Variants in KIF26B observed in about 807,000 individuals in gnomAD.
The protein encoded by KIF26B is kinesin family member 26B, also known as kinesin-like protein KIF26B.
A neutral mutation model predicts 151.2 loss-of-function variants in KIF26B; 63 were observed. That is an observed-to-expected ratio of 0.42 (90% CI 0.34 to 0.51). The LOEUF is 0.51. Ranked by LOEUF, KIF26B falls within the 20% of genes least tolerant of loss-of-function variation. KIF26B has a pLI of 0.07. For synonymous variants in KIF26B, 1,357 were observed against 1,262.1 expected (o/e 1.08, Z -1.59); for missense variants, 2,813 against 2,913.6 (o/e 0.97, Z 0.79).
rs2044724847 is a variant in KIF26B, at chr1:245,698,535, A to G, written c.6027+227A>G. Among the ~76,000 whole-genome samples, 1 of 152,182 alleles carries G rather than the reference A, an allele frequency of 6.6e-6. No individual in the cohort carries two copies. The highest frequency in any genetic ancestry group is 6.5e-5 in the Admixed American group (1 of 15,272). On this transcript the variant is annotated intron_variant, in intron 13 of 14. Coordinates refer to ENST00000407071, the MANE Select transcript of KIF26B (RefSeq NM_018012.4). The surrounding 1 kb of genome is among the most constrained non-coding windows in gnomAD (Gnocchi z 4.0). ...TCCTGAAATGTTTTAAGGGCTTCAA[A>G]GCCAGGGGTCGGGGGCTGGTGATCT...
chr1:245,437,102 G>A (rs768253311), intron 4 of KIF26B, among the ~76,000 whole-genome samples: 1 of 152,090 alleles, frequency 6.6e-6, no homozygotes, highest in Admixed American at 6.5e-5. Context: ...GCCCAGGCTG[G>A]TCTCAAACTG....
chr1:245,586,709 C>T (rs572845944), intron 5 of KIF26B, among the ~76,000 whole-genome samples: 210 of 151,622 alleles, frequency 1.4e-3, no homozygotes, highest in African/African-American at 5.0e-3. Context: ...AGGTGAAACC[C>T]CGTCTCTACT....
chr1:245,593,236 T>C (rs1016561115), intron 5 of KIF26B, among the ~76,000 whole-genome samples: 2 of 152,184 alleles, frequency 1.3e-5, no homozygotes, highest in Non-Finnish European at 2.9e-5. Flanking sequence ...GTTTGTTACA[T>C]AGGTATACAC....
At chr1:245,373,609 A>T (rs952249339) in intron 3 of KIF26B, among the ~76,000 whole-genome samples, 3 of 152,192 alleles carry the variant, frequency 2.0e-5, no homozygotes, top group Admixed American at 1.3e-4. Context: ...TGCTCTTGAT[A>T]CAATTTTTCC....
chr1:245,562,589 C>CCT (rs571081716), intron 5 of KIF26B, among the ~76,000 whole-genome samples: 1 of 128,238 alleles, frequency 7.8e-6, no homozygotes, highest in Admixed American at 9.5e-5. Flanking sequence ...CCAAGCCCCG[C>CCT]CCCCCCCTTC....
At chr1:245,448,932 C>A (rs1185068467) in intron 4 of KIF26B, among the ~76,000 whole-genome samples, 1 of 152,230 alleles carries the variant, frequency 6.6e-6, no homozygotes, top group Non-Finnish European at 1.5e-5. Flanking sequence ...AAACCAGAAG[C>A]ACCCAGAAAC....
In KIF26B at chr1:245,241,697, C is replaced by G. The variant is rs531796169; in HGVS notation, c.465+85014C>G. 1.5e-4 allele frequency among the ~76,000 whole-genome samples: 23 copies of G among 152,310 alleles called. No individual in the cohort carries two copies. The highest frequency in any genetic ancestry group is 1.3e-3 in the Admixed American group (20 of 15,302). On this transcript the variant is annotated intron_variant, in intron 2 of 14. Coordinates refer to ENST00000407071, the MANE Select transcript of KIF26B (RefSeq NM_018012.4). This position sits in a 1 kb window ranked among gnomAD's most constrained non-coding sequence, Gnocchi z 5.0. ...CAGCTGCTATGGCGGCGGACACAGC[C>G]CCGTCCAGGGCCCATGGCAGCCCCA...
At chr1:245,203,255 A>AAAAAAG (rs61541280) in intron 2 of KIF26B, among the ~76,000 whole-genome samples, 3 of 129,746 alleles carry the variant, frequency 2.3e-5, no homozygotes, top group Non-Finnish European at 3.1e-5. Flanking sequence ...TCAAAAAAAA[A>AAAAAAG]AAAAGAAAAT....
intron 5 of KIF26B, among the ~76,000 whole-genome samples, chr1:245,574,864 C>CTTTTTTTTTTTTTT (rs201010492): frequency 7.9e-6 from 1 of 126,252 alleles, no homozygotes; most frequent in Non-Finnish European, 1.7e-5. Flanking sequence ...TTTTTTTTTT[C>CTTTTTTTTTTTTTT]TTTTTTTTTT....
chr1:245,236,180 G>A (rs1031780922), intron 2 of KIF26B, among the ~76,000 whole-genome samples: 7 of 152,030 alleles, frequency 4.6e-5, no homozygotes, highest in Non-Finnish European at 1.0e-4. Flanking sequence ...TGCCTGCTTC[G>A]GCCTCCCAAA....
rs368588550 is a variant in KIF26B at position 245,563,116 on chromosome 1, A to C, written c.1350+22166A>C. Among the ~76,000 whole-genome samples the C allele has an allele frequency of 4.9e-4, 74 of 152,322 alleles. No homozygotes were observed. The highest frequency in any genetic ancestry group is 1.7e-3 in the African/African-American group (72 of 41,576). On this transcript the variant is annotated intron_variant, in intron 5 of 14. Coordinates refer to ENST00000407071, the MANE Select transcript of KIF26B (RefSeq NM_018012.4). The surrounding 1 kb of genome is among the most constrained non-coding windows in gnomAD (Gnocchi z 4.6). ...TTTGGGGAATGAATGTGAGGTCACT[A>C]GTCAATGATTCTGAAATGAGTCTAT...
At chr1:245,587,780 G>A (rs764819414) in intron 5 of KIF26B, among the ~76,000 whole-genome samples, 3 of 152,184 alleles carry the variant, frequency 2.0e-5, no homozygotes, top group East Asian at 1.9e-4. Flanking sequence ...GTTCTACAGA[G>A]CCGTGATCAA....
At chr1:245,580,219 C>G (rs1456073799) in intron 5 of KIF26B, among the ~76,000 whole-genome samples, 1 of 152,214 alleles carries the variant, frequency 6.6e-6, no homozygotes, top group Non-Finnish European at 1.5e-5. Flanking sequence ...TATCCATTTG[C>G]CCCTTCTGCA....
intron 3 of KIF26B, among the ~76,000 whole-genome samples, chr1:245,410,370 C>T (rs1674247151): frequency 6.6e-6 from 1 of 152,190 alleles, no homozygotes; most frequent in South Asian, 2.1e-4. Flanking sequence ...ACCACACTCT[C>T]TAAAATGGCA....
chr1:245,627,714 T>C (rs1194824167), intron 9 of KIF26B, among the ~76,000 whole-genome samples: 1 of 147,954 alleles, frequency 6.8e-6, no homozygotes, highest in Non-Finnish European at 1.5e-5. Context: ...AAAAAAAAAA[T>C]TAAGGAAATA....
intron 2 of KIF26B, among the ~76,000 whole-genome samples, chr1:245,328,249 G>C (rs138364418): frequency 6.6e-6 from 1 of 151,410 alleles, no homozygotes; most frequent in East Asian, 1.9e-4. Context: ...TATTTTGCAG[G>C]GGGGAGGGGG....
At chr1:245,541,312 T>C (rs1392665666) in intron 5 of KIF26B, among the ~76,000 whole-genome samples, 1 of 152,196 alleles carries the variant, frequency 6.6e-6, no homozygotes, top group African/African-American at 2.4e-5. Context: ...TAATGAGGCC[T>C]CATAATTTCC....
intron 2 of KIF26B, among the ~76,000 whole-genome samples, chr1:245,257,995 C>T (rs901754369): frequency 6.6e-6 from 1 of 151,864 alleles, no homozygotes; most frequent in African/African-American, 2.4e-5. Flanking sequence ...GCACTCCAGC[C>T]TGGTGACAGA....
intron 2 of KIF26B, among the ~76,000 whole-genome samples, chr1:245,174,010 C>T (rs1015804222): frequency 6.6e-6 from 1 of 152,200 alleles, no homozygotes; most frequent in Admixed American, 6.5e-5. Context: ...GCCGGCAAAT[C>T]AGTCTTTGTG....
Sources: gnomAD v4.1 joint callset for allele counts (sites outside exome capture counted in the v4.1 genomes callset) on GRCh38, gnomAD v4.1.1 for gene constraint, Gnocchi (gnomAD v3.1) non-coding constraint, MANE v1.5 for transcripts, NCBI Gene and HGNC (gene_info 2026-07-23, HGNC 2026-07-21) for gene names.